NRXN1: variants seen among roughly 807,000 people sequenced by gnomAD.
NRXN1 encodes neurexin 1.
A neutral mutation model predicts 150.9 loss-of-function variants in NRXN1; 39 were observed. The observed-to-expected ratio is 0.26, with a 90% CI of 0.20 to 0.34. The LOEUF (loss-of-function observed/expected upper bound fraction) is 0.34. Among genes scored for constraint, NRXN1 ranks in the 10% least tolerant of loss-of-function variants. NRXN1 has a pLI of 1.00. For synonymous variants in NRXN1, 924 were observed against 757.0 expected, an observed-to-expected ratio of 1.22 and a Z score of -3.62; for missense variants, 1,815 against 1,949.9, an observed-to-expected ratio of 0.93 and a Z score of 1.30.
chr2:50,973,216 C>A (rs1695290499), intron 2 of NRXN1, among the ~76,000 whole-genome samples: 1 of 152,118 alleles, frequency 6.6e-6, no homozygotes, highest in South Asian at 2.1e-4. Context: ...GCCAGGGATG[C>A]AATCATCTGT....
At chr2:50,904,673 T>C (rs898683024) in intron 5 of NRXN1, among the ~76,000 whole-genome samples, 11 of 152,162 alleles carry the variant, frequency 7.2e-5, no homozygotes, top group Non-Finnish European at 1.3e-4. Flanking sequence ...CCTTTCTTTT[T>C]AAAAAGATTA....
At chr2:49,948,971 T>A (rs992179533) in intron 21 of NRXN1, among the ~76,000 whole-genome samples, 1 of 152,042 alleles carries the variant, frequency 6.6e-6, no homozygotes, top group Non-Finnish European at 1.5e-5. Context: ...GGTCTGTACA[T>A]GCACATCGTA....
intron 17 of NRXN1, among the ~76,000 whole-genome samples, chr2:50,422,578 G>C (rs1005366163): frequency 6.6e-6 from 1 of 152,092 alleles, no homozygotes; most frequent in South Asian, 2.1e-4. Context: ...TTTATTTCTA[G>C]GGTTGGCTTT....
At chr2:50,480,787 T>G (rs2090402761) in intron 15 of NRXN1, among the ~76,000 whole-genome samples, 2 of 152,168 alleles carry the variant, frequency 1.3e-5, no homozygotes, top group South Asian at 4.1e-4. Context: ...TTAGCTAAAA[T>G]GACTTTGAGT....
At chr2:50,135,842 A>G (rs1011533742) in intron 18 of NRXN1, among the ~76,000 whole-genome samples, 6 of 152,240 alleles carry the variant, frequency 3.9e-5, no homozygotes, top group Admixed American at 6.5e-5. Flanking sequence ...TTTCAGTCAA[A>G]TAATTCTACT....
chr2:51,027,814 A>G lies in NRXN1; in HGVS notation c.460T>C (p.Phe154Leu), dbSNP rs1216642503. Residue 154 changes from phenylalanine (F) to leucine (L), a missense_variant, in exon 2 of 23, where the codon TTC (phenylalanine) becomes CTC (leucine). Transcript: ENST00000401669. ...RRDMTVFSGL[F>L]VGGLPPELRA... ...AGTTCCGGGGGCAGCCCCCCGACGA[A>G]AAGGCCGCTGAACACCGTCATGTCC... The G allele has an allele frequency of 6.2e-7, 1 of 1,613,356 alleles. No homozygotes were observed. The highest frequency in any genetic ancestry group is 8.5e-7 in the Non-Finnish European group (1 of 1,179,698).
intron 5 of NRXN1, among the ~76,000 whole-genome samples, chr2:50,839,605 C>T (rs1038791763): frequency 1.3e-5 from 2 of 152,072 alleles, no homozygotes; most frequent in African/African-American, 4.8e-5. Flanking sequence ...CCACACCAAA[C>T]ACAAAGTTGG....
At chr2:50,252,613 G>A (rs1446208185) in intron 17 of NRXN1, among the ~76,000 whole-genome samples, 1 of 151,894 alleles carries the variant, frequency 6.6e-6, no homozygotes, top group Non-Finnish European at 1.5e-5. Context: ...GTAAGTACGG[G>A]GTCCAGTTTC....
intron 5 of NRXN1, among the ~76,000 whole-genome samples, chr2:50,836,278 G>A (rs2105908983): frequency 6.6e-6 from 1 of 152,056 alleles, no homozygotes. Flanking sequence ...TTAAATCAGG[G>A]TAATTAACAA....
chr2:50,836,840 T>TAAAA (rs369557045), intron 5 of NRXN1, among the ~76,000 whole-genome samples: 2 of 114,092 alleles, frequency 1.8e-5, no homozygotes, highest in Non-Finnish European at 3.7e-5. Context: ...ATCATAATTG[T>TAAAA]AAAAAAAAAA....
intron 5 of NRXN1, among the ~76,000 whole-genome samples, chr2:50,920,171 A>G (rs1269940309): frequency 6.6e-6 from 1 of 151,774 alleles, no homozygotes; most frequent in Non-Finnish European, 1.5e-5. Flanking sequence ...TAGAAGAAGA[A>G]TGCAATGAAA....
chr2:50,889,993 T>G (rs534902299), intron 5 of NRXN1, among the ~76,000 whole-genome samples: 1 of 151,560 alleles, frequency 6.6e-6, no homozygotes. Flanking sequence ...TAAAATATTT[T>G]TAATAATGCT....
intron 18 of NRXN1, among the ~76,000 whole-genome samples, chr2:50,234,504 A>G (rs903706219): frequency 2.6e-5 from 4 of 152,026 alleles, no homozygotes; most frequent in African/African-American, 9.7e-5. Context: ...CAACAACGAC[A>G]ACAACAACAA....
At chr2:50,193,403 A>T (rs1388300518) in intron 18 of NRXN1, among the ~76,000 whole-genome samples, 1 of 152,160 alleles carries the variant, frequency 6.6e-6, no homozygotes, top group Non-Finnish European at 1.5e-5. Flanking sequence ...TTTACCAAAC[A>T]AAGCTGCTGT....
intron 17 of NRXN1, among the ~76,000 whole-genome samples, chr2:50,359,338 T>G (rs1464205470): frequency 6.6e-6 from 1 of 151,824 alleles, no homozygotes; most frequent in Non-Finnish European, 1.5e-5. Context: ...TCTAACCCAA[T>G]GCAAGGAAGC....
intron 21 of NRXN1, among the ~76,000 whole-genome samples, chr2:50,005,822 T>A (rs556399614): frequency 2.0e-5 from 3 of 152,318 alleles, no homozygotes; most frequent in Middle Eastern, 3.4e-3. Flanking sequence ...TGCTGAAGCC[T>A]CTGCCTCAGA....
rs904458673 is a variant in NRXN1, at chr2:49,921,103, G to A, written c.*841C>T. On this transcript the variant is annotated 3_prime_UTR_variant, in exon 23 of 23. Transcript: ENST00000401669. ...AACATTGAATTTACCAAAAATGGCT[G>A]AAGAGCAGAGATATATTTTGCATTT... 4 of 152,536 alleles carry A rather than the reference G, an allele frequency of 2.6e-5. No homozygotes were observed. Among genetic ancestry groups the A allele is most frequent in the Admixed American group, 6.5e-5 (1 of 15,280 alleles). 9.4% of individuals were successfully genotyped at this position (152,536 alleles called of 1,614,324 possible). A position where few individuals can be genotyped will look rare whatever the true frequency, so the allele number is the denominator to read the frequency against.
At chr2:50,038,898 G>A (rs1034095941) in intron 21 of NRXN1, among the ~76,000 whole-genome samples, 1 of 150,480 alleles carries the variant, frequency 6.6e-6, no homozygotes, top group Non-Finnish European at 1.5e-5. Flanking sequence ...AGCAAAGAAA[G>A]GCTGGGAGCG....
intron 15 of NRXN1, among the ~76,000 whole-genome samples, chr2:50,475,296 CTG>C (rs1326461599): frequency 3.3e-5 from 5 of 152,042 alleles, no homozygotes; most frequent in African/African-American, 4.8e-5. Flanking sequence ...AGGAGAGAGA[CTG>C]TGTTTCCCAG....
Sources: allele counts gnomAD v4.1 joint callset (sites outside exome capture counted in the v4.1 genomes callset), GRCh38; gene constraint gnomAD v4.1.1; transcripts MANE v1.5; gene names NCBI Gene and HGNC (gene_info 2026-07-23, HGNC 2026-07-21).